APLF: variants seen among roughly 807,000 people sequenced by gnomAD.
APLF encodes aprataxin and PNK-like factor.
In APLF, 61 loss-of-function variants were observed where a neutral mutation model predicts 55.6. The observed-to-expected ratio is 1.10, with a 90% CI of 0.89 to 1.36. The LOEUF (loss-of-function observed/expected upper bound fraction) is 1.36, where lower values mean the gene tolerates loss of function less well. Among genes scored for constraint, APLF ranks in the 40% most tolerant of loss-of-function variants. APLF has a pLI of 0.00. For synonymous variants in APLF, 207 were observed against 214.8 expected, an observed-to-expected ratio of 0.96 and a Z score of 0.32; for missense variants, 611 against 602.5, an observed-to-expected ratio of 1.01 and a Z score of -0.15.
chr2:68,535,359 A>G (rs1181879105), intron 6 of APLF: 1 of 403,268 alleles, frequency 2.5e-6, no homozygotes, highest in Non-Finnish European at 4.9e-6. Context: ...TCATCCTTCG[A>G]CCTCATTGCG....
At chr2:68,497,301 A>G (rs1443099869) in intron 2 of APLF, among the ~76,000 whole-genome samples, 1 of 152,166 alleles carries the variant, frequency 6.6e-6, no homozygotes, top group Admixed American at 6.5e-5. Context: ...CCCAAATCTC[A>G]TGTCGAACTG....
chr2:68,573,904 C>A (rs79459379), intron 9 of APLF, among the ~76,000 whole-genome samples: 8 of 152,080 alleles, frequency 5.3e-5, no homozygotes, highest in African/African-American at 1.9e-4. Context: ...TCAGAAATCA[C>A]TTAACAGCTT....
Position 68,545,200 on chromosome 2 carries a change from C to A in APLF, c.1174C>A (p.His392Asn). 2 of 1,613,128 alleles carry A rather than the reference C, an allele frequency of 1.2e-6. No individual in the cohort carries two copies. Among genetic ancestry groups the A allele is most frequent in the Non-Finnish European group, 1.7e-6 (2 of 1,179,532 alleles). ...GANCYRKNPV[H>N]FQHFSHPGDS... The stretch of plus-strand genomic sequence containing the variant: ...TCGCCCTCCTAGGAAGAATCCTGTT[C>A]ATTTTCAACATTTTAGCCATCCTGG... The change falls in exon 8 of 10, where the codon CAT (histidine) becomes AAT (asparagine). Residue 392 changes from histidine (H) to asparagine (N), a missense_variant. Transcript: ENST00000303795.
intron 3 of APLF, among the ~76,000 whole-genome samples, chr2:68,510,120 TGAC>T (rs1432958674): frequency 6.7e-6 from 1 of 150,222 alleles, no homozygotes; most frequent in African/African-American, 2.4e-5. Flanking sequence ...CTAATGTAAA[TGAC>T]GAGTTAATGG....
chr2:68,498,345 G>A (rs1676621694), intron 2 of APLF, among the ~76,000 whole-genome samples: 1 of 152,230 alleles, frequency 6.6e-6, no homozygotes, highest in Non-Finnish European at 1.5e-5. Flanking sequence ...TCTGTATACT[G>A]CATGCCCCAA....
intron 7 of APLF, among the ~76,000 whole-genome samples, chr2:68,539,736 A>G (rs1259726034): frequency 6.6e-6 from 1 of 152,216 alleles, no homozygotes; most frequent in Non-Finnish European, 1.5e-5. Context: ...ATATAAGAAT[A>G]GAAAAGACTT....
chr2:68,548,200 C>A (rs945725219), intron 8 of APLF, among the ~76,000 whole-genome samples: 11 of 151,472 alleles, frequency 7.3e-5, no homozygotes, highest in African/African-American at 2.4e-4. Flanking sequence ...GGATTATTTT[C>A]TAAAACAAGA....
chr2:68,511,636 T>A (rs1206489655), intron 3 of APLF, among the ~76,000 whole-genome samples: 1 of 151,678 alleles, frequency 6.6e-6, no homozygotes, highest in African/African-American at 2.4e-5. Context: ...TTTCTTAATA[T>A]TTTTCATGTT....
chr2:68,531,273 C>T (rs923594871), intron 6 of APLF: 20 of 152,148 alleles, frequency 1.3e-4, no homozygotes, highest in Admixed American at 1.3e-4. Context: ...TCCTCTCTAG[C>T]GAGAGGTAGC....
intron 5 of APLF, among the ~76,000 whole-genome samples, chr2:68,519,223 T>C (rs1178520760): frequency 7.1e-6 from 1 of 140,222 alleles, no homozygotes; most frequent in Non-Finnish European, 1.5e-5. Context: ...TCTATATTTA[T>C]TACATAATAT....
chr2:68,483,827 A>G (rs948191679), intron 1 of APLF, among the ~76,000 whole-genome samples: 3 of 152,162 alleles, frequency 2.0e-5, no homozygotes, highest in African/African-American at 7.2e-5. Context: ...ACAGGAACCA[A>G]GTTACATGAG....
At chr2:68,542,219 A>C (rs1670571978) in intron 7 of APLF, among the ~76,000 whole-genome samples, 1 of 152,158 alleles carries the variant, frequency 6.6e-6, no homozygotes, top group African/African-American at 2.4e-5. Context: ...AAAATGGGGG[A>C]GAAGCTTCAT....
rs1034848749 is a variant in APLF, at chr2:68,580,111, G to A, written c.*2089G>A. 3 of 943,612 alleles carry A rather than the reference G, an allele frequency of 3.2e-6. No individual in the cohort carries two copies. The highest frequency in any genetic ancestry group is 5.4e-4 in the Middle Eastern group (1 of 1,842). 58.5% of individuals were successfully genotyped at this position (943,612 alleles called of 1,614,324 possible). A position where few individuals can be genotyped will look rare whatever the true frequency, so the allele number is the denominator to read the frequency against. On this transcript the variant is annotated 3_prime_UTR_variant, in exon 10 of 10. Transcript: ENST00000303795. ...TTAATGCAACTTTCATAATCATCCT[G>A]AAGACACTTTTGAGTATAACTATTG... is the stretch of plus-strand genomic sequence containing the variant.
At chr2:68,554,363 T>C (rs1261441577) in intron 8 of APLF, among the ~76,000 whole-genome samples, 1 of 152,252 alleles carries the variant, frequency 6.6e-6, no homozygotes, top group Non-Finnish European at 1.5e-5. Flanking sequence ...TGACTTGTTA[T>C]ACTTTTTTAA....
intron 1 of APLF, among the ~76,000 whole-genome samples, chr2:68,474,640 T>C (rs1425120616): frequency 6.6e-6 from 1 of 152,182 alleles, no homozygotes; most frequent in Admixed American, 6.5e-5. Flanking sequence ...TTCCTTTCTT[T>C]GGTAATTTGG....
rs985274464 is a variant in APLF, at chr2:68,467,798, A to G, written c.67A>G (p.Thr23Ala). 2.4e-6 allele frequency: 3 copies of G among 1,233,740 alleles called. No homozygotes were observed. The South Asian group carries it at 1.2e-4, about 51-fold the overall frequency. 76.4% of individuals were successfully genotyped at this position (1,233,740 alleles called of 1,614,324 possible). Residue 23 changes from threonine (T) to alanine (A), a missense_variant, in exon 1 of 10, where the codon ACG (threonine) becomes GCG (alanine). Coordinates refer to ENST00000303795, the MANE Select transcript of APLF (RefSeq NM_173545.3). ...GPRVALAPGE[T>A]VIGRGPLLGI... ...CCGGGTGGCCCTGGCGCCCGGGGAG[A>G]CGGTGATCGGCCGCGGGCCGCTGCT...
chr2:68,502,894 G>T lies in APLF; in HGVS notation c.332G>T (p.Cys111Phe). 1 of 1,600,516 alleles carries T rather than the reference G, an allele frequency of 6.2e-7. No homozygotes were observed. Among genetic ancestry groups the T allele is most frequent in the Non-Finnish European group, 8.5e-7 (1 of 1,175,582 alleles). ...LSIPSEVEMQCTLRNSQVLDE... is the reference protein window; with the variant it reads ...LSIPSEVEMQFTLRNSQVLDE... ...ATACCCTCTGAAGTGGAAATGCAAT[G>T]TACCTTAAGGTAAGTGCCTGATGAA... is the stretch of plus-strand genomic sequence containing the variant. Residue 111 changes from cysteine (C) to phenylalanine (F), a missense_variant, in exon 3 of 10, where the codon TGT becomes TTT. Cys to Phe is a radical substitution (Grantham distance 205, BLOSUM62 -2). Coordinates refer to ENST00000303795, the MANE Select transcript of APLF (RefSeq NM_173545.3).
chr2:68,525,709 C>CTTGCCCTT lies in APLF; in HGVS notation c.623-349_623-342dup, dbSNP rs1042068802. 4.9e-5 allele frequency among the ~76,000 whole-genome samples: 7 copies of CTTGCCCTT among 142,862 alleles called. 1 individual carries two copies. Among genetic ancestry groups the CTTGCCCTT allele is most frequent in the Admixed American group, 4.8e-4 (7 of 14,624 alleles). The allele number at this position is 142,862 out of a possible 152,430, so 93.7% of individuals were successfully genotyped here. ...TACTATAAATGGACCTTTAATCTTA[C>CTTGCCCTT]TTGCCCTTTTATCCTTTTTATTTTC... On this transcript the variant is annotated intron_variant, in intron 5 of 9. Coordinates refer to ENST00000303795, the MANE Select transcript of APLF (RefSeq NM_173545.3).
intron 8 of APLF, among the ~76,000 whole-genome samples, chr2:68,549,066 C>T (rs1343158561): frequency 6.6e-6 from 1 of 151,930 alleles, no homozygotes; most frequent in Non-Finnish European, 1.5e-5. Flanking sequence ...ATCTACATTT[C>T]CCTATAGTGT....
Sources: allele counts gnomAD v4.1 joint callset (sites outside exome capture counted in the v4.1 genomes callset), GRCh38; gene constraint gnomAD v4.1.1; transcripts MANE v1.5; gene names NCBI Gene and HGNC (gene_info 2026-07-23, HGNC 2026-07-21).